The following CCDC60 variants were observed in gnomAD, a reference collection of about 807,000 sequenced individuals.
CCDC60 encodes coiled-coil domain-containing protein 60.
Under a neutral mutation model 63.5 loss-of-function variants are expected in CCDC60, and 54 were observed. That is an observed-to-expected ratio of 0.85 (90% CI 0.68 to 1.07). CCDC60 has a LOEUF of 1.07. Ranked by LOEUF, CCDC60 falls within the 50% of genes least tolerant of loss-of-function variation. The pLI is 0.00. For missense variants in CCDC60, 651 were observed against 684.3 expected (o/e 0.95, Z 0.54); for synonymous variants, 206 against 238.8 (o/e 0.86, Z 1.27).
intron 11 of CCDC60, among the ~76,000 whole-genome samples, chr12:119,524,721 C>CTTTTTTTTTTTTTT (rs55694840): frequency 2.6e-4 from 26 of 98,990 alleles, no homozygotes; most frequent in Admixed American, 5.6e-4. Context: ...CTTTTCTTTT[C>CTTTTTTTTTTTTTT]TTTTTTTTTT....
intron 1 of CCDC60, among the ~76,000 whole-genome samples, chr12:119,402,662 C>T (rs1956413517): frequency 6.6e-6 from 1 of 152,130 alleles, no homozygotes; most frequent in Non-Finnish European, 1.5e-5. Context: ...CACTTAGACA[C>T]TTAGTAGGTA....
At chr12:119,459,350 A>T (rs1393172386) in intron 2 of CCDC60, among the ~76,000 whole-genome samples, 3 of 152,260 alleles carry the variant, frequency 2.0e-5, no homozygotes, top group Non-Finnish European at 4.4e-5. Flanking sequence ...AAATTATGAC[A>T]GTGAGAAAAA....
At chr12:119,355,470 A>G (rs1265313595) in intron 1 of CCDC60, among the ~76,000 whole-genome samples, 2 of 152,240 alleles carry the variant, frequency 1.3e-5, no homozygotes, top group Non-Finnish European at 2.9e-5. Flanking sequence ...ACAGCCATTA[A>G]TGATCTTTGA....
intron 6 of CCDC60, among the ~76,000 whole-genome samples, chr12:119,501,186 G>T (rs903070197): frequency 6.6e-6 from 1 of 152,106 alleles, no homozygotes; most frequent in African/African-American, 2.4e-5. Flanking sequence ...TAAATATAAG[G>T]CAAACACACT....
At chr12:119,360,914 A>T (rs1955781697) in intron 1 of CCDC60, among the ~76,000 whole-genome samples, 1 of 152,084 alleles carries the variant, frequency 6.6e-6, no homozygotes, top group African/African-American at 2.4e-5. Context: ...CTGGCGGATC[A>T]CTCGCGGTTA....
rs796680771 is a variant in CCDC60, at chr12:119,344,836, TTC to T, written c.90+9589_90+9590del. 4.5e-3 allele frequency among the ~76,000 whole-genome samples: 489 copies of T among 107,918 alleles called. 1 individual carries two copies. The highest frequency in any genetic ancestry group is 7.7e-3 in the African/African-American group (218 of 28,330). The allele number at this position is 107,918 out of a possible 152,430, so 70.8% of individuals were successfully genotyped here. ...GAACATTCTCTCTCTCTCTCTCTCT[TTC>T]TCTCTCTCTCTCTCTCTCACACACA... On this transcript the variant is annotated intron_variant, in intron 1 of 13. Transcript: ENST00000327554.
intron 13 of CCDC60, among the ~76,000 whole-genome samples, chr12:119,536,174 CTTCT>C (rs1164019482): frequency 1.3e-5 from 2 of 152,166 alleles, no homozygotes; most frequent in African/African-American, 4.8e-5. Flanking sequence ...ATGTAATGGC[CTTCT>C]TTGTCTCTTT....
At chr12:119,430,539 C>T (rs1046904994) in intron 2 of CCDC60, among the ~76,000 whole-genome samples, 4 of 151,778 alleles carry the variant, frequency 2.6e-5, no homozygotes, top group Non-Finnish European at 4.4e-5. Flanking sequence ...TGGTGGTGGG[C>T]GCCTGTAGTC....
At chr12:119,500,682 C>A (rs952388552) in intron 6 of CCDC60, among the ~76,000 whole-genome samples, 8 of 151,940 alleles carry the variant, frequency 5.3e-5, no homozygotes, top group African/African-American at 1.9e-4. Flanking sequence ...AGCAAGACCC[C>A]GTCTTCACAA....
intron 2 of CCDC60, among the ~76,000 whole-genome samples, chr12:119,432,699 T>A (rs1950252736): frequency 6.6e-6 from 1 of 152,204 alleles, no homozygotes; most frequent in South Asian, 2.1e-4. Context: ...TGCCAGCTTG[T>A]AACTAGAGCC....
At chr12:119,486,899 C>G (rs541963298) in intron 4 of CCDC60, among the ~76,000 whole-genome samples, 1 of 152,232 alleles carries the variant, frequency 6.6e-6, no homozygotes, top group Non-Finnish European at 1.5e-5. Flanking sequence ...GGCCTAGGAA[C>G]CCTGGGGAGT....
At chr12:119,369,422 T>A (rs1466029781) in intron 1 of CCDC60, among the ~76,000 whole-genome samples, 1 of 152,210 alleles carries the variant, frequency 6.6e-6, no homozygotes, top group Non-Finnish European at 1.5e-5. Flanking sequence ...AAAACACTTG[T>A]ATTGCATTAA....
chr12:119,493,989 G>T (rs1168482888), intron 5 of CCDC60, among the ~76,000 whole-genome samples: 1 of 152,014 alleles, frequency 6.6e-6, no homozygotes, highest in Non-Finnish European at 1.5e-5. Context: ...GCATAACAAA[G>T]GTCAAAAAAA....
intron 5 of CCDC60, among the ~76,000 whole-genome samples, chr12:119,493,663 C>T (rs895388518): frequency 3.3e-5 from 5 of 152,268 alleles, no homozygotes; most frequent in South Asian, 2.1e-4. Flanking sequence ...ACAAGATGAT[C>T]GGGTCCACAG....
chr12:119,350,433 A>G lies in CCDC60; in HGVS notation c.90+15167A>G, dbSNP rs200806684. Among the ~76,000 whole-genome samples the G allele has an allele frequency of 7.2e-5, 11 of 152,022 alleles. No individual in the cohort carries two copies. The East Asian group carries it at 1.7e-3, about 24-fold the overall frequency. The stretch of plus-strand genomic sequence containing the variant: ...TTTTTAGTAGAGACAGGGTTTTTCC[A>G]TGTTGGCCAGGCTGGTCTCAAACTC... On this transcript the variant is annotated intron_variant, in intron 1 of 13. Coordinates refer to ENST00000327554, the MANE Select transcript of CCDC60 (RefSeq NM_178499.5).
At chr12:119,423,500 A>C (rs1031207258) in intron 1 of CCDC60, among the ~76,000 whole-genome samples, 5 of 152,166 alleles carry the variant, frequency 3.3e-5, no homozygotes, top group African/African-American at 1.2e-4. Context: ...AATAGCAGGC[A>C]CCATCAGGAA....
chr12:119,540,726 G>A lies in CCDC60; in HGVS notation c.*11G>A. On this transcript the variant is annotated 3_prime_UTR_variant, in exon 14 of 14. Transcript: ENST00000327554. ...AGCGCCCTGAGGTAGGCTGGGCCTG[G>A]GTTGACCAGCTGTCTCAGTGGAGGA... The A allele has an allele frequency of 3.2e-6, 5 of 1,586,278 alleles. No individual in the cohort carries two copies. The highest frequency in any genetic ancestry group is 1.7e-4 in the Middle Eastern group (1 of 5,860).
chr12:119,396,512 G>C (rs1956257815), intron 1 of CCDC60, among the ~76,000 whole-genome samples: 1 of 152,066 alleles, frequency 6.6e-6, no homozygotes, highest in African/African-American at 2.4e-5. Context: ...TCACAACAAG[G>C]GCTTTGGTGT....
At chr12:119,489,731 C>A (rs369172089) in intron 5 of CCDC60, among the ~76,000 whole-genome samples, 3 of 152,132 alleles carry the variant, frequency 2.0e-5, no homozygotes, top group South Asian at 2.1e-4. Flanking sequence ...TTCCCCACCC[C>A]CCGTGCTAAC....
Sources: gnomAD v4.1 joint callset for allele counts (sites outside exome capture counted in the v4.1 genomes callset) on GRCh38, gnomAD v4.1.1 for gene constraint, MANE v1.5 for transcripts, NCBI Gene and HGNC (gene_info 2026-07-23, HGNC 2026-07-21) for gene names.